HMGCLL1: variants seen among roughly 807,000 people sequenced by gnomAD.
HMGCLL1 encodes the protein 3-hydroxymethyl-3-methylglutaryl-CoA lyase, cytoplasmic.
In HMGCLL1, 36 loss-of-function variants were observed where a neutral mutation model predicts 39.1. The ratio of observed to expected loss-of-function variants is 0.92; its 90% CI spans 0.71 to 1.22. The LOEUF (loss-of-function observed/expected upper bound fraction) is 1.22. HMGCLL1 is among the 50% of genes most tolerant of loss of function. The probability of loss-of-function intolerance (pLI) is 0.00; values close to 1 mark genes in which losing one functional copy is unlikely to be tolerated. For missense variants in HMGCLL1, 451 were observed against 416.5 expected (o/e 1.08, Z -0.72); for synonymous variants, 149 against 144.0 (o/e 1.03, Z -0.25).
chr6:55,543,568 A>ATATATATT (rs1347080191), intron 1 of HMGCLL1, among the ~76,000 whole-genome samples: 2 of 126,980 alleles, frequency 1.6e-5, no homozygotes, highest in Non-Finnish European at 3.2e-5. Context: ...ATATATTTTT[A>ATATATATT]TATATATTTA....
the HMGCLL1 span, among the ~76,000 whole-genome samples, chr6:55,653,159 G>A: frequency 8.6e-5 from 13 of 151,722 alleles, no homozygotes; most frequent in Non-Finnish European, 1.3e-4. Flanking sequence ...ACAAAAAACC[G>A]GCTTTCCAAA....
At chr6:55,460,502 GTA>G (rs1330133660) in intron 7 of HMGCLL1, among the ~76,000 whole-genome samples, 1 of 151,646 alleles carries the variant, frequency 6.6e-6, no homozygotes, top group African/African-American at 2.4e-5. Flanking sequence ...AACAAAAAGC[GTA>G]TGTTTATTAT....
At chr6:55,618,627 A>T in the HMGCLL1 span, among the ~76,000 whole-genome samples, 1 of 152,086 alleles carries the variant, frequency 6.6e-6, no homozygotes, top group Non-Finnish European at 1.5e-5. Flanking sequence ...TCTAGAAACA[A>T]AGACAATATC....
chr6:55,589,289 A>G, the HMGCLL1 span, among the ~76,000 whole-genome samples: 1 of 152,128 alleles, frequency 6.6e-6, no homozygotes, highest in Non-Finnish European at 1.5e-5. Flanking sequence ...TATAAACAGA[A>G]CCAAAGACAA....
intron 7 of HMGCLL1, among the ~76,000 whole-genome samples, chr6:55,460,958 T>C (rs1467165052): frequency 1.3e-5 from 2 of 151,970 alleles, no homozygotes; most frequent in Non-Finnish European, 1.5e-5. Context: ...AGGAGACATA[T>C]AAAATATAAG....
Position 55,477,281 on chromosome 6 carries a change from T to TTA in HMGCLL1, c.795+18137_795+18138insTA, listed in dbSNP as rs1561904692. ...TATATATTATATAATATATATTATATATTATATATAAAATAATATATATTA... is the reference window on the plus strand; with the variant it reads ...TATATATTATATAATATATATTATATTAATTATATATAAAATAATATATATTA... On this transcript the variant is annotated intron_variant, in intron 7 of 8. Transcript: ENST00000274901. 9.0e-5 allele frequency among the ~76,000 whole-genome samples: 2 copies of TTA among 22,164 alleles called. 1 individual carries two copies. Among genetic ancestry groups the TTA allele is most frequent in the African/African-American group, 7.4e-4 (2 of 2,710 alleles). 14.5% of individuals were successfully genotyped at this position (22,164 alleles called of 152,430 possible).
chr6:55,484,736 C>T (rs1453008149), intron 7 of HMGCLL1, among the ~76,000 whole-genome samples: 2 of 151,824 alleles, frequency 1.3e-5, no homozygotes, highest in Non-Finnish European at 2.9e-5. Context: ...CTCACCACCC[C>T]TATAGTTACC....
intron 3 of HMGCLL1, among the ~76,000 whole-genome samples, chr6:55,536,688 A>G (rs1382787725): frequency 9.8e-6 from 1 of 102,466 alleles, no homozygotes; most frequent in Non-Finnish European, 2.2e-5. Flanking sequence ...TGTAAAGAAC[A>G]TGTATTTTTT....
At chr6:55,454,284 G>A (rs1488948613) in intron 7 of HMGCLL1, among the ~76,000 whole-genome samples, 1 of 152,128 alleles carries the variant, frequency 6.6e-6, no homozygotes, top group Non-Finnish European at 1.5e-5. Flanking sequence ...GGGATAATGA[G>A]TGATAGGAAT....
At chr6:55,535,746 G>C (rs1051447505) in intron 3 of HMGCLL1, among the ~76,000 whole-genome samples, 1 of 152,104 alleles carries the variant, frequency 6.6e-6, no homozygotes, top group Non-Finnish European at 1.5e-5. Flanking sequence ...AACTCATCTG[G>C]ATAATAATGG....
chr6:55,615,887 T>C, the HMGCLL1 span, among the ~76,000 whole-genome samples: 1 of 152,008 alleles, frequency 6.6e-6, no homozygotes, highest in Admixed American at 6.6e-5. Flanking sequence ...AGTACCAAAA[T>C]GAATACAGAA....
chr6:55,509,951 T>C (rs947949264), intron 5 of HMGCLL1, among the ~76,000 whole-genome samples: 16 of 152,088 alleles, frequency 1.1e-4, no homozygotes, highest in African/African-American at 3.9e-4. Flanking sequence ...ACTAAGCACA[T>C]TTTATTTAAA....
upstream of HMGCLL1, among the ~76,000 whole-genome samples, chr6:55,583,867 T>C (rs1437701736): frequency 6.6e-6 from 1 of 152,146 alleles, no homozygotes; most frequent in Admixed American, 6.6e-5. Flanking sequence ...ATAATAAATA[T>C]AGAACTTAAA....
At chr6:55,530,464 A>C (rs1025718811) in intron 3 of HMGCLL1, among the ~76,000 whole-genome samples, 10 of 152,236 alleles carry the variant, frequency 6.6e-5, no homozygotes, top group African/African-American at 2.4e-4. Context: ...TTATAATTCC[A>C]ATCAGTGATG....
At chr6:55,527,129 T>C (rs1485047639) in intron 3 of HMGCLL1, among the ~76,000 whole-genome samples, 2 of 152,080 alleles carry the variant, frequency 1.3e-5, no homozygotes, top group Non-Finnish European at 2.9e-5. Context: ...ATCTTTTCTA[T>C]ATCTTCATCT....
the HMGCLL1 span, among the ~76,000 whole-genome samples, chr6:55,598,912 A>T: frequency 6.6e-6 from 1 of 152,188 alleles, no homozygotes; most frequent in Non-Finnish European, 1.5e-5. Flanking sequence ...TCTGAACAAT[A>T]ACATTTATTA....
chr6:55,543,562 A>T (rs1217124330), intron 1 of HMGCLL1, among the ~76,000 whole-genome samples: 1 of 116,536 alleles, frequency 8.6e-6, no homozygotes, highest in Non-Finnish European at 1.7e-5. Context: ...ATATTTATAT[A>T]TTTTTATATA....
At chr6:55,650,097 A>C in the HMGCLL1 span, among the ~76,000 whole-genome samples, 1 of 16,018 alleles carries the variant, frequency 6.2e-5, no homozygotes, top group East Asian at 1.9e-3. Flanking sequence ...ATACATATAT[A>C]TATATATATA....
In HMGCLL1 at chr6:55,541,742, C is replaced by G. The variant is rs199603898; in HGVS notation, c.284G>C (p.Arg95Thr). ...GGGTTTACATACCTGTGGTACCCAT[C>G]TGGAAGACACAAAGCTAGTCACTTC... ...VIEVTSFVSS[R>T]WVPQMADHTE... Residue 95 changes from arginine to threonine, a missense_variant, in exon 3 of 9, where the codon AGA (arginine) becomes ACA (threonine). By Grantham distance (71) the Arg-to-Thr change is moderately conservative. Transcript: ENST00000274901. 9.1e-5 allele frequency: 144 copies of G among 1,584,954 alleles called. No homozygotes were observed. The highest frequency in any genetic ancestry group is 3.4e-4 in the Admixed American group (19 of 56,020).
Sources: gnomAD v4.1 joint callset for allele counts (sites outside exome capture counted in the v4.1 genomes callset) on GRCh38, gnomAD v4.1.1 for gene constraint, MANE v1.5 for transcripts, NCBI Gene and HGNC (gene_info 2026-07-23, HGNC 2026-07-21) for gene names.